ZSCAN25: variants seen among roughly 807,000 people sequenced by gnomAD.
The protein encoded by ZSCAN25 is zinc finger and SCAN domain-containing protein 25.
A neutral mutation model predicts 38.7 loss-of-function variants in ZSCAN25; 27 were observed. The ratio of observed to expected loss-of-function variants is 0.70; its 90% confidence interval spans 0.51 to 0.96. The LOEUF is 0.96. Among genes scored for constraint, ZSCAN25 ranks in the 40% least tolerant of loss-of-function variants. The pLI is 0.00. For synonymous variants in ZSCAN25, 273 were observed against 277.7 expected (o/e 0.98, Z 0.17); for missense variants, 637 against 705.9 (o/e 0.90, Z 1.11).
intron 5 of ZSCAN25, chr7:99,621,959 C>T: frequency 6.3e-6 from 1 of 159,530 alleles, no homozygotes; most frequent in Middle Eastern, 3.0e-3. Context: ...GGGTCTCACT[C>T]TGTCACCCAG....
intron 5 of ZSCAN25, chr7:99,621,782 G>A (rs1806988634): frequency 2.5e-6 from 1 of 400,472 alleles, no homozygotes; most frequent in South Asian, 1.4e-4. Context: ...GGGATATCTG[G>A]GATCATGCTT....
chr7:99,705,523 C>T, the ZSCAN25 span: 71 of 1,613,526 alleles, frequency 4.4e-5, no homozygotes, highest in Non-Finnish European at 4.7e-5. Flanking sequence ...ACGGTCTCAT[C>T]CCTTGACTCA....
chr7:99,695,598 C>T, the ZSCAN25 span: 1 of 691,672 alleles, frequency 1.4e-6, no homozygotes, highest in Non-Finnish European at 2.4e-6. Flanking sequence ...CCGGGGTAAA[C>T]CTTGCCATGC....
chr7:99,646,259 T>C, the ZSCAN25 span, among the ~76,000 whole-genome samples: 1 of 152,244 alleles, frequency 6.6e-6, no homozygotes, highest in African/African-American at 2.4e-5. Context: ...GGAATATCTT[T>C]CTATGTTTTT....
the ZSCAN25 span, among the ~76,000 whole-genome samples, chr7:99,675,662 C>T: frequency 3.6e-5 from 2 of 56,230 alleles, no homozygotes; most frequent in East Asian, 1.1e-3. Flanking sequence ...CCCTCCCCTC[C>T]CCTCCCCTCT....
chr7:99,647,416 A>T, the ZSCAN25 span: 1 of 836,956 alleles, frequency 1.2e-6, no homozygotes, highest in Non-Finnish European at 1.4e-6. Context: ...GAAAATGAAT[A>T]GTGCTTTTAG....
intron 6 of ZSCAN25, among the ~76,000 whole-genome samples, chr7:99,623,097 C>T (rs971211037): frequency 2.0e-5 from 3 of 152,204 alleles, no homozygotes; most frequent in South Asian, 2.1e-4. Flanking sequence ...TGAGCCACCG[C>T]GCCCAGCCAC....
chr7:99,697,648 G>A, the ZSCAN25 span, among the ~76,000 whole-genome samples: 1 of 152,188 alleles, frequency 6.6e-6, no homozygotes, highest in Non-Finnish European at 1.5e-5. Context: ...TAGCACTTAA[G>A]GCAGTATAGG....
the ZSCAN25 span, among the ~76,000 whole-genome samples, chr7:99,714,293 C>T: frequency 6.6e-6 from 1 of 152,146 alleles, no homozygotes; most frequent in Non-Finnish European, 1.5e-5. Context: ...AAGGTTTTAT[C>T]TGAATAATAT....
chr7:99,731,164 A>G, the ZSCAN25 span: 1 of 1,613,720 alleles, frequency 6.2e-7, no homozygotes, highest in South Asian at 1.1e-5. Flanking sequence ...TACAAAGTGA[A>G]ACAAAAATCA....
Position 99,629,840 on chromosome 7 carries a change from A to T in ZSCAN25, c.1455A>T (p.Pro485=), listed in dbSNP as rs772014600. The T allele has an allele frequency of 6.2e-7, 1 of 1,614,218 alleles. No individual in the cohort carries two copies. Among genetic ancestry groups the T allele is most frequent in the South Asian group, 1.1e-5 (1 of 91,082 alleles). The change falls in exon 8 of 8, where the codon CCA becomes CCT. Residue 485 remains proline (P), a synonymous_variant. Coordinates refer to ENST00000394152, the MANE Select transcript of ZSCAN25 (RefSeq NM_145115.3). The surrounding 1 kb of genome is among the most constrained non-coding windows in gnomAD (Gnocchi z 5.6). ...VHRRAHTGEK[P]YGCQVCGKRF... is the part of the protein sequence containing the mutation. ...GGCGTGCCCACACTGGCGAGAAGCC[A>T]TATGGGTGCCAGGTGTGCGGGAAGC...
At chr7:99,668,388 A>G in the ZSCAN25 span, among the ~76,000 whole-genome samples, 1 of 152,244 alleles carries the variant, frequency 6.6e-6, no homozygotes, top group African/African-American at 2.4e-5. Context: ...AGCTTGTCCA[A>G]CTTGTGGCCT....
chr7:99,638,723 A>T, the ZSCAN25 span: 3 of 1,282,296 alleles, frequency 2.3e-6, no homozygotes, highest in Admixed American at 5.1e-5. Flanking sequence ...ATGAGGATCC[A>T]CATTTCCTTG....
chr7:99,684,431 G>A, the ZSCAN25 span, among the ~76,000 whole-genome samples: 1 of 152,162 alleles, frequency 6.6e-6, no homozygotes, highest in Non-Finnish European at 1.5e-5. Context: ...GCCTCCCAAA[G>A]TGCTGGGATT....
At chr7:99,709,025 G>A in the ZSCAN25 span, 14 of 1,613,716 alleles carry the variant, frequency 8.7e-6, no homozygotes, top group South Asian at 1.3e-4. Context: ...CCTTCCCAGG[G>A]GCCTCCTACC....
chr7:99,633,761 T>C (rs1475708737), downstream of ZSCAN25, among the ~76,000 whole-genome samples: 1 of 152,230 alleles, frequency 6.6e-6, no homozygotes, highest in African/African-American at 2.4e-5. Flanking sequence ...TACTTGGTAT[T>C]GATCAGTCTG....
At chr7:99,666,530 T>C in the ZSCAN25 span, 2 of 1,504,264 alleles carry the variant, frequency 1.3e-6, no homozygotes, top group South Asian at 1.1e-5. Context: ...ACAGTGCGAC[T>C]GTCGACTCCA....
chr7:99,666,490 C>T, the ZSCAN25 span: 1 of 1,211,512 alleles, frequency 8.3e-7, no homozygotes, highest in Non-Finnish European at 1.2e-6. Flanking sequence ...CAGCGCTGCC[C>T]TGCTTTTGTC....
chr7:99,733,790 A>T, the ZSCAN25 span, among the ~76,000 whole-genome samples: 1 of 152,248 alleles, frequency 6.6e-6, no homozygotes, highest in Admixed American at 6.5e-5. Flanking sequence ...TTTTGCTATC[A>T]TCACTGGCTC....
Sources: allele counts gnomAD v4.1 joint callset (sites outside exome capture counted in the v4.1 genomes callset), GRCh38; gene constraint gnomAD v4.1.1; non-coding constraint Gnocchi (gnomAD v3.1); transcripts MANE v1.5; gene names NCBI Gene and HGNC (gene_info 2026-07-23, HGNC 2026-07-21).